NSMCE2: variants seen among roughly 807,000 people sequenced by gnomAD.
NSMCE2 encodes the protein NSE2 SUMO ligase component of SMC5/6 complex.
A neutral mutation model predicts 23.8 loss-of-function variants in NSMCE2; 24 were observed. That is an observed-to-expected ratio of 1.01 (90% CI 0.73 to 1.42). The LOEUF (loss-of-function observed/expected upper bound fraction) is 1.42. NSMCE2 is among the 40% of genes most tolerant of loss of function. The probability of loss-of-function intolerance (pLI) is 0.00; values close to 1 mark genes in which losing one functional copy is unlikely to be tolerated. For missense variants in NSMCE2, 284 were observed against 296.5 expected (o/e 0.96, Z 0.31); for synonymous variants, 92 against 94.1 (o/e 0.98, Z 0.13).
intron 5 of NSMCE2, among the ~76,000 whole-genome samples, chr8:125,356,290 C>A (rs114208587): frequency 6.8e-6 from 1 of 148,082 alleles, no homozygotes; most frequent in Non-Finnish European, 1.5e-5. Context: ...TATGGTAACA[C>A]GTAGTGGGAT....
At chr8:125,242,901 G>C (rs889039605) in intron 5 of NSMCE2, among the ~76,000 whole-genome samples, 1 of 152,220 alleles carries the variant, frequency 6.6e-6, no homozygotes, top group African/African-American at 2.4e-5. Context: ...AAGGAGAGGA[G>C]AGTCATCTTT....
intron 5 of NSMCE2, among the ~76,000 whole-genome samples, chr8:125,292,539 G>A (rs1828151268): frequency 6.6e-6 from 1 of 151,444 alleles, no homozygotes; most frequent in African/African-American, 2.4e-5. Context: ...GGGCAACAGA[G>A]CAAGACTCCA....
chr8:125,162,316 C>T (rs1821669463), intron 4 of NSMCE2, among the ~76,000 whole-genome samples: 2 of 152,132 alleles, frequency 1.3e-5, no homozygotes, highest in South Asian at 4.1e-4. Flanking sequence ...GCTTAAAGCA[C>T]CTATAAATAA....
intron 5 of NSMCE2, among the ~76,000 whole-genome samples, chr8:125,343,197 C>T (rs1358313881): frequency 6.6e-6 from 1 of 152,146 alleles, no homozygotes; most frequent in African/African-American, 2.4e-5. Flanking sequence ...AGGGGACATA[C>T]TCCAGTCATT....
chr8:125,115,871 T>C (rs1271338861), intron 3 of NSMCE2, among the ~76,000 whole-genome samples: 1 of 152,192 alleles, frequency 6.6e-6, no homozygotes, highest in African/African-American at 2.4e-5. Flanking sequence ...TAGCCTACAA[T>C]AGGCAAGTAT....
At chr8:125,190,284 T>C (rs1823289964) in intron 5 of NSMCE2, among the ~76,000 whole-genome samples, 1 of 152,220 alleles carries the variant, frequency 6.6e-6, no homozygotes, top group Admixed American at 6.5e-5. Context: ...CTCTTTTCTG[T>C]AAATTTTGAC....
intron 5 of NSMCE2, among the ~76,000 whole-genome samples, chr8:125,256,821 G>A (rs1317573235): frequency 6.7e-6 from 1 of 149,556 alleles, no homozygotes; most frequent in Non-Finnish European, 1.5e-5. Flanking sequence ...GCTACTAGGG[G>A]AGGCTGAGGC....
At position 125,189,392 on chromosome 8, in the gene NSMCE2, A is replaced by G. The variant is rs774022411; in HGVS notation, c.418+7136A>G. Reference sequence around the variant, plus strand: ...AAAACTTTCCTAAATAGGTAAGTGCAACGAAGAACAAAGAAGGAGAGGAAG... The same window carrying G: ...AAAACTTTCCTAAATAGGTAAGTGCGACGAAGAACAAAGAAGGAGAGGAAG... On this transcript the variant is annotated intron_variant, in intron 5 of 7. Coordinates refer to ENST00000287437, the MANE Select transcript of NSMCE2 (RefSeq NM_173685.4). Among the ~76,000 whole-genome samples the G allele has an allele frequency of 2.4e-4, 36 of 152,218 alleles. 1 individual carries two copies. Among genetic ancestry groups the G allele is most frequent in the Admixed American group, 6.5e-5 (1 of 15,286 alleles).
In NSMCE2 at chr8:125,255,375, A is replaced by G. The variant is rs1826361343; in HGVS notation, c.418+73119A>G. ...CAATTTTGAAGCAATGTAGATTACAATGACAGTGATATTTACTACGTATCA... is the reference window on the plus strand; with the variant it reads ...CAATTTTGAAGCAATGTAGATTACAGTGACAGTGATATTTACTACGTATCA... On this transcript the variant is annotated intron_variant, in intron 5 of 7. Transcript: ENST00000287437. 2.0e-5 allele frequency among the ~76,000 whole-genome samples: 3 copies of G among 152,320 alleles called. No individual in the cohort carries two copies. In the South Asian group the frequency reaches 6.2e-4, roughly 32 times the overall value.
At chr8:125,311,572 C>T (rs796563004) in intron 5 of NSMCE2, among the ~76,000 whole-genome samples, 4 of 152,282 alleles carry the variant, frequency 2.6e-5, no homozygotes, top group Non-Finnish European at 4.4e-5. Flanking sequence ...TCAGCATTTC[C>T]CCTTTCTTTC....
intron 5 of NSMCE2, among the ~76,000 whole-genome samples, chr8:125,188,363 T>C (rs184946229): frequency 9.9e-5 from 15 of 152,204 alleles, no homozygotes; most frequent in African/African-American, 3.6e-4. Context: ...AGTATTACCA[T>C]AGCACAGGTC....
At chr8:125,289,658 G>A (rs1828034156) in intron 5 of NSMCE2, among the ~76,000 whole-genome samples, 1 of 152,176 alleles carries the variant, frequency 6.6e-6, no homozygotes, top group African/African-American at 2.4e-5. Context: ...GATGAATAAT[G>A]AAGGAATATA....
At chr8:125,096,633 C>A (rs1366431785) in intron 1 of NSMCE2, among the ~76,000 whole-genome samples, 1 of 78,668 alleles carries the variant, frequency 1.3e-5, no homozygotes, top group African/African-American at 4.8e-5. Flanking sequence ...TGTGTGGAAT[C>A]CTTTTTTTTT....
chr8:125,107,686 G>A (rs150947398), intron 3 of NSMCE2, among the ~76,000 whole-genome samples: 2 of 152,182 alleles, frequency 1.3e-5, no homozygotes, highest in African/African-American at 4.8e-5. Context: ...TGGTGCAAAT[G>A]TTAAAAAAGA....
At chr8:125,152,413 G>A (rs1167183851) in intron 4 of NSMCE2, among the ~76,000 whole-genome samples, 1 of 152,186 alleles carries the variant, frequency 6.6e-6, no homozygotes, top group Non-Finnish European at 1.5e-5. Flanking sequence ...CATTAGTCTG[G>A]AGCAGGACTG....
chr8:125,115,739 T>A (rs78341100), intron 3 of NSMCE2, among the ~76,000 whole-genome samples: 3,300 of 148,930 alleles, frequency 0.022, 122 homozygotes, highest in African/African-American at 0.078. Context: ...TAAAAAAAAA[T>A]AATAATAAAT....
rs116136958 is a variant in NSMCE2 at position 125,264,548 on chromosome 8, C to T, written c.418+82292C>T. 4.3e-3 allele frequency among the ~76,000 whole-genome samples: 660 copies of T among 152,238 alleles called. 2 individuals carry two copies. The highest frequency in any genetic ancestry group is 0.015 in the African/African-American group (633 of 41,538). ...CGGCCTCCTGAGTACCTGGGACCATCTGCGCGCACCACCACGCCCTGCTAA... is the reference window on the plus strand; with the variant it reads ...CGGCCTCCTGAGTACCTGGGACCATTTGCGCGCACCACCACGCCCTGCTAA... On this transcript the variant is annotated intron_variant, in intron 5 of 7. Coordinates refer to ENST00000287437, the MANE Select transcript of NSMCE2 (RefSeq NM_173685.4).
At chr8:125,118,986 A>C (rs2130481534) in intron 3 of NSMCE2, among the ~76,000 whole-genome samples, 1 of 152,266 alleles carries the variant, frequency 6.6e-6, no homozygotes, top group South Asian at 2.1e-4. Context: ...TGTGCGCATA[A>C]ATTTCTTGTA....
chr8:125,201,036 T>A (rs1823847690), intron 5 of NSMCE2, among the ~76,000 whole-genome samples: 1 of 152,198 alleles, frequency 6.6e-6, no homozygotes, highest in Non-Finnish European at 1.5e-5. Context: ...TTTAAGGTCT[T>A]CTCTATACTG....
Sources: allele counts gnomAD v4.1 joint callset (sites outside exome capture counted in the v4.1 genomes callset), GRCh38; gene constraint gnomAD v4.1.1; transcripts MANE v1.5; gene names NCBI Gene and HGNC (gene_info 2026-07-23, HGNC 2026-07-21).